Variants in PCDHGA6 observed in about 807,000 individuals in gnomAD.
PCDHGA6 encodes the protein protocadherin gamma-A6.
In PCDHGA6, 41 loss-of-function variants were observed where a neutral mutation model predicts 60.6. The ratio of observed to expected loss-of-function variants is 0.68; its 90% confidence interval spans 0.53 to 0.88. The LOEUF is 0.88. Among genes scored for constraint, PCDHGA6 ranks in the 40% least tolerant of loss-of-function variants. PCDHGA6 has a pLI of 0.00. For synonymous variants in PCDHGA6, 594 were observed against 524.4 expected (o/e 1.13, Z -1.81); for missense variants, 1,312 against 1,203.0 (o/e 1.09, Z -1.34).
intron 1 of PCDHGA6, among the ~76,000 whole-genome samples, chr5:141,482,799 C>T (rs933003208): frequency 6.6e-6 from 1 of 152,086 alleles, no homozygotes; most frequent in Non-Finnish European, 1.5e-5. Flanking sequence ...TGGCCGGGTA[C>T]GGTGGCTCAT....
At chr5:141,383,565 A>G (rs1306554654) in intron 1 of PCDHGA6, 5 of 1,613,204 alleles carry the variant, frequency 3.1e-6, no homozygotes, top group Non-Finnish European at 4.2e-6. Flanking sequence ...ACCCGCCCCG[A>G]TCCAGCACCG....
At chr5:141,495,910 A>C (rs2154591812) in intron 2 of PCDHGA6, among the ~76,000 whole-genome samples, 1 of 151,278 alleles carries the variant, frequency 6.6e-6, no homozygotes, top group East Asian at 1.9e-4. Flanking sequence ...GTCTCTGTAT[A>C]TCTTTCTTTG....
At chr5:141,510,124 A>G (rs2099879540) in intron 3 of PCDHGA6, among the ~76,000 whole-genome samples, 1 of 152,156 alleles carries the variant, frequency 6.6e-6, no homozygotes, top group Admixed American at 6.5e-5. Context: ...AAATACAAAA[A>G]TTAGCTGGGC....
chr5:141,433,742 C>G (rs927651405), intron 1 of PCDHGA6, among the ~76,000 whole-genome samples: 1 of 150,826 alleles, frequency 6.6e-6, no homozygotes, highest in Non-Finnish European at 1.5e-5. Flanking sequence ...GAGGCTGAGT[C>G]AGGAGAATTG....
chr5:141,491,071 C>A lies in PCDHGA6; in HGVS notation c.2425-3736C>A, dbSNP rs987564933. ...TGCGTGGCTCTCCTACTCACTGTTG[C>A]CACAGTCCACAGCCCCAGGACTGTT... On this transcript the variant is annotated intron_variant, in intron 1 of 3. Transcript: ENST00000517434. This position sits in a 1 kb window ranked among gnomAD's most constrained non-coding sequence, Gnocchi z 6.9. 2 of 1,614,034 alleles carry A rather than the reference C, an allele frequency of 1.2e-6. No individual in the cohort carries two copies. The highest frequency in any genetic ancestry group is 1.7e-6 in the Non-Finnish European group (2 of 1,180,036).
intron 1 of PCDHGA6, chr5:141,433,024 C>A: frequency 6.2e-7 from 1 of 1,614,168 alleles, no homozygotes; most frequent in African/African-American, 1.3e-5. Flanking sequence ...CCTATTCCCA[C>A]GAGGTTTCCC....
chr5:141,404,244 C>A (rs1164182551), intron 1 of PCDHGA6: 2 of 1,613,758 alleles, frequency 1.2e-6, no homozygotes, highest in East Asian at 2.2e-5. Context: ...GGAACTCCGC[C>A]CCTGTCCACA....
intron 1 of PCDHGA6, among the ~76,000 whole-genome samples, chr5:141,482,530 C>CAAAAAAAAAAAAAAAAAAAAAA (rs3074545): frequency 1.3e-5 from 1 of 76,562 alleles, no homozygotes. Context: ...GACAGACATG[C>CAAAAAAAAAAAAAAAAAAAAAA]AAAAAAAAAA....
chr5:141,436,501 G>A (rs1382579407), intron 1 of PCDHGA6, among the ~76,000 whole-genome samples: 1 of 152,118 alleles, frequency 6.6e-6, no homozygotes, highest in Admixed American at 6.5e-5. Context: ...TTGCAATTAG[G>A]TAAATTGTTA....
chr5:141,403,945 A>G (rs745421734), intron 1 of PCDHGA6: 48 of 1,613,810 alleles, frequency 3.0e-5, no homozygotes, highest in Non-Finnish European at 3.9e-5. Context: ...AAGGGTGGAC[A>G]AAAGTGCTCA....
intron 1 of PCDHGA6, chr5:141,394,165 C>G (rs1228690548): frequency 6.2e-7 from 1 of 1,613,930 alleles, no homozygotes; most frequent in African/African-American, 1.3e-5. Flanking sequence ...AACCCTCCTA[C>G]TTTCCCTCAT....
chr5:141,428,120 C>G (rs756805763), intron 1 of PCDHGA6: 2 of 1,606,528 alleles, frequency 1.2e-6, no homozygotes, highest in South Asian at 1.1e-5. Context: ...CCATCGAGCC[C>G]GGGCTTTTCA....
intron 1 of PCDHGA6, chr5:141,395,582 G>T (rs1200378126): frequency 5.5e-6 from 1 of 181,100 alleles, no homozygotes; most frequent in Non-Finnish European, 1.1e-5. Flanking sequence ...GTGTGTGTGT[G>T]TGTGTGTGTA....
At chr5:141,464,838 A>G (rs2099091245) in intron 1 of PCDHGA6, among the ~76,000 whole-genome samples, 1 of 152,182 alleles carries the variant, frequency 6.6e-6, no homozygotes, top group African/African-American at 2.4e-5. Context: ...TCCTGGGCTC[A>G]AGCAATCCTC....
rs980122657 is a variant in PCDHGA6, at chr5:141,511,379, C to G, written c.*206C>G. The G allele has an allele frequency of 2.9e-5, 34 of 1,169,842 alleles. No individual in the cohort carries two copies. The highest frequency in any genetic ancestry group is 3.9e-5 in the Non-Finnish European group (33 of 853,834). The allele number at this position is 1,169,842 out of a possible 1,614,324, so 72.5% of individuals were successfully genotyped here. ...GGGGGTTGAATATGCAAAAGCAGTT[C>G]CGCTGGGAACCCCCATCCAATCAAC... On this transcript the variant is annotated 3_prime_UTR_variant, in exon 4 of 4. Transcript: ENST00000517434.
At chr5:141,402,025 AAC>A (rs1265000731) in intron 1 of PCDHGA6, among the ~76,000 whole-genome samples, 9 of 152,192 alleles carry the variant, frequency 5.9e-5, no homozygotes, top group African/African-American at 1.7e-4. Flanking sequence ...GAATCATTGA[AAC>A]ACAGTCTGTG....
intron 1 of PCDHGA6, among the ~76,000 whole-genome samples, chr5:141,467,680 T>A (rs75237059): frequency 6.6e-6 from 1 of 152,138 alleles, no homozygotes; most frequent in Non-Finnish European, 1.5e-5. Flanking sequence ...TTATTTTTTT[T>A]AGACAGGGTC....
intron 1 of PCDHGA6, among the ~76,000 whole-genome samples, chr5:141,437,452 G>GACTAT (rs1319101256): frequency 6.6e-6 from 1 of 152,144 alleles, no homozygotes; most frequent in Non-Finnish European, 1.5e-5. Context: ...ATGTTGAGGA[G>GACTAT]ACTATACTAT....
chr5:141,407,735 T>C (rs2094975330), intron 1 of PCDHGA6, among the ~76,000 whole-genome samples: 1 of 152,246 alleles, frequency 6.6e-6, no homozygotes, highest in Non-Finnish European at 1.5e-5. Context: ...GTTCACTATA[T>C]ATACTCCCTA....
Sources: gnomAD v4.1 joint callset for allele counts (sites outside exome capture counted in the v4.1 genomes callset) on GRCh38, gnomAD v4.1.1 for gene constraint, Gnocchi (gnomAD v3.1) non-coding constraint, MANE v1.5 for transcripts, NCBI Gene and HGNC (gene_info 2026-07-23, HGNC 2026-07-21) for gene names.